The following EPHA7 variants were observed in gnomAD, a reference collection of about 807,000 sequenced individuals.
EPHA7 encodes EPH receptor A7.
In EPHA7, 25 loss-of-function variants were observed where a neutral mutation model predicts 112.6. The ratio of observed to expected loss-of-function variants is 0.22; its 90% CI spans 0.16 to 0.31. The LOEUF (loss-of-function observed/expected upper bound fraction) is 0.31, where lower values mean the gene tolerates loss of function less well. Ranked by LOEUF, EPHA7 falls within the 10% of genes least tolerant of loss-of-function variation. EPHA7 has a pLI of 1.00. For synonymous variants in EPHA7, 437 were observed against 406.5 expected, an observed-to-expected ratio of 1.07 and a Z score of -0.90; for missense variants, 962 against 1,212.6, an observed-to-expected ratio of 0.79 and a Z score of 3.07.
At chr6:93,251,389 A>C (rs1048141458) in intron 14 of EPHA7, among the ~76,000 whole-genome samples, 2 of 151,784 alleles carry the variant, frequency 1.3e-5, no homozygotes, top group African/African-American at 2.4e-5. Flanking sequence ...AAAAAGCTTA[A>C]ATTTTTTAAC....
intron 9 of EPHA7, among the ~76,000 whole-genome samples, chr6:93,263,312 T>A (rs1770775497): frequency 6.6e-6 from 1 of 151,434 alleles, no homozygotes; most frequent in South Asian, 2.1e-4. Context: ...ATATGATTTC[T>A]AAAATGAACT....
At chr6:93,279,410 T>G (rs1213328761) in intron 5 of EPHA7, among the ~76,000 whole-genome samples, 1 of 152,146 alleles carries the variant, frequency 6.6e-6, no homozygotes, top group Non-Finnish European at 1.5e-5. Flanking sequence ...CACCTCTTTT[T>G]CTTACTAATT....
intron 5 of EPHA7, among the ~76,000 whole-genome samples, chr6:93,319,759 C>A (rs1773976836): frequency 6.6e-6 from 1 of 151,870 alleles, no homozygotes; most frequent in Non-Finnish European, 1.5e-5. Flanking sequence ...TGGTCATATT[C>A]CATATACACA....
At chr6:93,321,308 A>T (rs1774058892) in intron 5 of EPHA7, among the ~76,000 whole-genome samples, 1 of 151,942 alleles carries the variant, frequency 6.6e-6, no homozygotes, top group Admixed American at 6.6e-5. Context: ...AGAAGAATCA[A>T]ACAGTAGGCA....
chr6:93,317,526 T>C (rs1041863367), intron 5 of EPHA7, among the ~76,000 whole-genome samples: 3 of 152,168 alleles, frequency 2.0e-5, no homozygotes, highest in Admixed American at 6.6e-5. Flanking sequence ...AATTTTAACA[T>C]TAGCAAAGGA....
At chr6:93,293,859 T>C (rs912881381) in intron 5 of EPHA7, among the ~76,000 whole-genome samples, 2 of 152,176 alleles carry the variant, frequency 1.3e-5, no homozygotes, top group African/African-American at 4.8e-5. Flanking sequence ...CATTGTATTT[T>C]TCAATAGTAA....
chr6:93,356,787 T>A lies in EPHA7; in HGVS notation c.1254A>T (p.Val418=). ...HANYTFEVEA[V]NGVSDLSRSQ... ...ATCGGCTTAAGTCAGAAACTCCATT[T>A]ACAGCTTCAACTTCAAAAGTATAAT... The change falls in exon 5 of 17, where the codon GTA becomes GTT. Residue 418 remains valine (V), a synonymous_variant. Coordinates refer to ENST00000369303, the MANE Select transcript of EPHA7 (RefSeq NM_004440.4). The A allele has an allele frequency of 6.2e-7, 1 of 1,614,170 alleles. No individual in the cohort carries two copies. Among genetic ancestry groups the A allele is most frequent in the Non-Finnish European group, 8.5e-7 (1 of 1,180,000 alleles).
chr6:93,287,351 G>A (rs1375474631), intron 5 of EPHA7, among the ~76,000 whole-genome samples: 1 of 151,718 alleles, frequency 6.6e-6, no homozygotes, highest in Non-Finnish European at 1.5e-5. Flanking sequence ...TCTGGCTTCG[G>A]TCCACCTCAT....
rs1236559193 is a variant in EPHA7, at chr6:93,258,809, T to G, written c.1925-525A>C. On this transcript the variant is annotated intron_variant, in intron 10 of 16. Coordinates refer to ENST00000369303, the MANE Select transcript of EPHA7 (RefSeq NM_004440.4). ...TTATTAAATATTTAAAATCTGGAAT[T>G]TATATGCACTATGTCTACTGGATTT... Among the ~76,000 whole-genome samples, 3 of 151,274 alleles carry G rather than the reference T, an allele frequency of 2.0e-5. No individual in the cohort carries two copies. The East Asian group carries it at 5.8e-4, about 29-fold the overall frequency.
intron 1 of EPHA7, among the ~76,000 whole-genome samples, chr6:93,416,337 A>T (rs894809262): frequency 1.3e-5 from 2 of 151,992 alleles, no homozygotes; most frequent in African/African-American, 4.8e-5. Context: ...TTTTTATTTT[A>T]TTTTTCTTGT....
rs1031523876 is a variant in EPHA7, at chr6:93,241,492, T to C, written c.*1934A>G. On this transcript the variant is annotated 3_prime_UTR_variant, in exon 17 of 17. Transcript: ENST00000369303. ...TGGAAGTGTCTAGGTGACTGTATTA[T>C]GCTAATTAAAATTATTTTTACAGAT... 4 of 215,188 alleles carry C rather than the reference T, an allele frequency of 1.9e-5. No individual in the cohort carries two copies. The highest frequency in any genetic ancestry group is 2.8e-5 in the Non-Finnish European group (3 of 106,436). 13.3% of individuals were successfully genotyped at this position (215,188 alleles called of 1,614,324 possible).
chr6:93,326,468 A>G (rs372328833), intron 5 of EPHA7, among the ~76,000 whole-genome samples: 2 of 151,542 alleles, frequency 1.3e-5, no homozygotes, highest in South Asian at 2.1e-4. Flanking sequence ...GAACTTACTT[A>G]GGAGAAAGGC....
At chr6:93,374,680 T>C (rs972451613) in intron 3 of EPHA7, among the ~76,000 whole-genome samples, 1 of 152,204 alleles carries the variant, frequency 6.6e-6, no homozygotes. Flanking sequence ...CTGCTGGCTA[T>C]GGAGCCAAAC....
At chr6:93,370,769 T>G (rs542942302) in intron 3 of EPHA7, among the ~76,000 whole-genome samples, 3 of 152,262 alleles carry the variant, frequency 2.0e-5, no homozygotes, top group African/African-American at 7.2e-5. Flanking sequence ...AACTTATTTA[T>G]ATGTACATAT....
intron 9 of EPHA7, chr6:93,260,496 G>A: frequency 1.1e-6 from 1 of 943,588 alleles, no homozygotes; most frequent in Non-Finnish European, 1.3e-6. Context: ...AAACTTTATT[G>A]TTTTAACAAA....
In EPHA7 at chr6:93,410,391, G is replaced by C; in HGVS notation, c.832+110C>G. On this transcript the variant is annotated intron_variant, in intron 3 of 16. Transcript: ENST00000369303. The surrounding 1 kb of genome is among the most constrained non-coding windows in gnomAD (Gnocchi z 4.0). ...CTTTGTTTAAGATCTACTGAATTGC[G>C]CTTCTGGTACAGAGCAGATTCACGT... 1.0e-6 allele frequency: 1 copy of C among 991,800 alleles called. No individual in the cohort carries two copies. The highest frequency in any genetic ancestry group is 1.5e-6 in the Non-Finnish European group (1 of 670,412). The allele number at this position is 991,800 out of a possible 1,614,324, so 61.4% of individuals were successfully genotyped here.
intron 7 of EPHA7, among the ~76,000 whole-genome samples, chr6:93,267,131 T>A (rs146048172): frequency 0.013 from 1,939 of 151,888 alleles, 16 homozygotes; most frequent in Non-Finnish European, 0.017. Flanking sequence ...TCCATTTTAA[T>A]TTCTAATTTG....
At chr6:93,419,141 C>T (rs997245269) in intron 1 of EPHA7, 104 bp downstream of exon 1, 3 of 921,558 alleles carry the variant, frequency 3.3e-6, no homozygotes, top group Non-Finnish European at 4.5e-6. Context: ...GGAGGGTCGC[C>T]CGGCGCCGGA....
chr6:93,308,641 AT>A (rs1773379913), intron 5 of EPHA7, among the ~76,000 whole-genome samples: 1 of 151,472 alleles, frequency 6.6e-6, no homozygotes, highest in South Asian at 2.1e-4. Context: ...TTTATAAATA[AT>A]TGTCAAACTA....
Sources: gnomAD v4.1 joint callset for allele counts (sites outside exome capture counted in the v4.1 genomes callset) on GRCh38, gnomAD v4.1.1 for gene constraint, Gnocchi (gnomAD v3.1) non-coding constraint, MANE v1.5 for transcripts, NCBI Gene and HGNC (gene_info 2026-07-23, HGNC 2026-07-21) for gene names.